UBAP2L: variants seen among roughly 807,000 people sequenced by gnomAD.
The protein encoded by UBAP2L is ubiquitin-associated protein 2-like.
A neutral mutation model predicts 130.6 loss-of-function variants in UBAP2L; 12 were observed. That is an observed-to-expected ratio of 0.09 (90% CI 0.06 to 0.15). The LOEUF is 0.15. UBAP2L is among the 10% of genes least tolerant of loss of function. The probability of loss-of-function intolerance (pLI) is 1.00; values close to 1 mark genes in which losing one functional copy is unlikely to be tolerated. For synonymous variants in UBAP2L, 503 were observed against 524.7 expected, an observed-to-expected ratio of 0.96 and a Z score of 0.57; for missense variants, 965 against 1,332.5, an observed-to-expected ratio of 0.72 and a Z score of 4.29.
Position 154,255,748 on chromosome 1 carries a change from C to T in UBAP2L, c.2150C>T (p.Thr717Ile). The change falls in exon 18 of 27, where the codon ACT (threonine) becomes ATT (isoleucine). Residue 717 changes from threonine to isoleucine, a missense_variant. This residue lies in a region of UBAP2L where 393 missense variants were observed against 408.1 expected (regional missense o/e 0.96). Transcript: ENST00000428931. Reference protein sequence around the residue: ...STSSGRTSTSTLLHTSVESEA... With the variant: ...STSSGRTSTSILLHTSVESEA... ...TCTTCTGGGCGCACTTCGACATCCA[C>T]TCTTTTGGTAAGTGTGATGCTGAGA... The T allele has an allele frequency of 6.2e-7, 1 of 1,614,144 alleles. No individual in the cohort carries two copies. Among genetic ancestry groups the T allele is most frequent in the Non-Finnish European group, 8.5e-7 (1 of 1,179,992 alleles).
chr1:154,268,961 G>C lies in UBAP2L; in HGVS notation c.3168+7G>C, dbSNP rs1684119305. On this transcript the variant is annotated splice_region_variant and intron_variant, in intron 26 of 26. Coordinates refer to ENST00000428931, the MANE Select transcript of UBAP2L (RefSeq NM_014847.4). ...CCTGCAGCAGGATGGCCAGGTAATA[G>C]CCCTTCCCCTTCTCTCCTTTCCCTT... is the stretch of plus-strand genomic sequence containing the variant. 1.2e-6 allele frequency: 2 copies of C among 1,613,210 alleles called. No homozygotes were observed. The highest frequency in any genetic ancestry group is 1.7e-5 in the Admixed American group (1 of 59,906).
chr1:154,246,181 A>G, intron 10 of UBAP2L, 23 bp from the exon 11 acceptor site: 1 of 1,586,044 alleles, frequency 6.3e-7, no homozygotes, highest in Non-Finnish European at 8.6e-7. Context: ...TTCTTCATGA[A>G]GATCCCTTCC....
chr1:154,252,987 C>A (rs984318831), intron 14 of UBAP2L, among the ~76,000 whole-genome samples: 2 of 152,116 alleles, frequency 1.3e-5, no homozygotes, highest in African/African-American at 2.4e-5. Flanking sequence ...AGTAATGTAT[C>A]CTGTATACCG....
At chr1:154,264,145 A>G (rs1454370861) in intron 24 of UBAP2L, among the ~76,000 whole-genome samples, 5 of 152,216 alleles carry the variant, frequency 3.3e-5, no homozygotes, top group Non-Finnish European at 7.3e-5. Context: ...GCTAGCATAC[A>G]ACATTAGCCC....
chr1:154,249,140 C>T, intron 11 of UBAP2L, 99 bp from the exon 12 acceptor site: 2 of 1,141,074 alleles, frequency 1.8e-6, no homozygotes, highest in Non-Finnish European at 2.6e-6. Context: ...TCTTTACTTG[C>T]CTGATCTATA....
intron 15 of UBAP2L, 61 bp downstream of exon 15, chr1:154,254,150 A>G (rs1678826184): frequency 1.4e-6 from 2 of 1,399,010 alleles, no homozygotes; most frequent in South Asian, 3.3e-5. Flanking sequence ...AATTCCTTAA[A>G]TATTAGTGTT....
chr1:154,223,078 CACTT>C (rs1177206352), intron 1 of UBAP2L, among the ~76,000 whole-genome samples: 1 of 152,012 alleles, frequency 6.6e-6, no homozygotes, highest in Non-Finnish European at 1.5e-5. Context: ...CATTCCAGAT[CACTT>C]ACTTTTGACC....
chr1:154,270,470 G>T lies in UBAP2L; in HGVS notation c.*175G>T, dbSNP rs1302332648. 9.9e-6 allele frequency: 15 copies of T among 1,514,042 alleles called. No homozygotes were observed. The highest frequency in any genetic ancestry group is 1.4e-5 in the African/African-American group (1 of 71,152). 93.8% of individuals were successfully genotyped at this position (1,514,042 alleles called of 1,614,324 possible). A position where few individuals can be genotyped will look rare whatever the true frequency, so the allele number is the denominator to read the frequency against. On this transcript the variant is annotated 3_prime_UTR_variant, in exon 27 of 27. Coordinates refer to ENST00000428931, the MANE Select transcript of UBAP2L (RefSeq NM_014847.4). ...CCCATTCCTATACCATCCCCACCCT[G>T]TTGTATGTATTATAGGATTTGTATT...
chr1:154,227,849 A>G (rs59131007), intron 3 of UBAP2L, among the ~76,000 whole-genome samples: 4,867 of 151,974 alleles, frequency 0.032, 266 homozygotes, highest in African/African-American at 0.11. Flanking sequence ...CACCCAGCCT[A>G]TTGTAGCCCT....
chr1:154,251,681 C>T, intron 14 of UBAP2L, 28 bp downstream of exon 14: 6 of 1,611,162 alleles, frequency 3.7e-6, no homozygotes, highest in Non-Finnish European at 5.1e-6. Flanking sequence ...CATAAGACCT[C>T]TCTTATTAAC....
At chr1:154,239,279 G>A (rs952796589) in intron 8 of UBAP2L, among the ~76,000 whole-genome samples, 1 of 151,652 alleles carries the variant, frequency 6.6e-6, no homozygotes, top group Non-Finnish European at 1.5e-5. Flanking sequence ...ATTTCATTGG[G>A]GTTGAGGGGT....
intron 4 of UBAP2L, among the ~76,000 whole-genome samples, chr1:154,229,286 G>A (rs895829238): frequency 1.3e-5 from 2 of 151,926 alleles, no homozygotes; most frequent in Non-Finnish European, 1.5e-5. Context: ...GGGATATCTT[G>A]GAGGATCTCT....
chr1:154,243,704 G>A (rs1674351812), intron 10 of UBAP2L, among the ~76,000 whole-genome samples: 1 of 151,934 alleles, frequency 6.6e-6, no homozygotes, highest in Non-Finnish European at 1.5e-5. Context: ...CGGGTAATCC[G>A]CCCACCTCTG....
In UBAP2L at chr1:154,260,899, C is replaced by A. The variant is rs756786957; in HGVS notation, c.2586C>A (p.Leu862=). The change falls in exon 23 of 27, where the codon CTC becomes CTA. Residue 862 remains leucine, a synonymous_variant. Transcript: ENST00000428931. The stretch of plus-strand genomic sequence containing the variant: ...TAGCTTCTCCTGTCACAGGTGACCT[C>A]ACAAAGTTCGGCCGTGGGGATGCCT... ...SLASNPYSGD[L]TKFGRGDASS... 1 of 1,614,186 alleles carries A rather than the reference C, an allele frequency of 6.2e-7. No individual in the cohort carries two copies. The highest frequency in any genetic ancestry group is 8.5e-7 in the Non-Finnish European group (1 of 1,180,026).
chr1:154,270,263 G>A lies in UBAP2L; in HGVS notation c.3232G>A (p.Ala1078Thr). 6.2e-7 allele frequency: 1 copy of A among 1,613,888 alleles called. No homozygotes were observed. The highest frequency in any genetic ancestry group is 1.1e-5 in the South Asian group (1 of 91,002). ...IPQKPQTNKS[A>T]YNSYSWGAN is the part of the protein sequence containing the mutation. Reference sequence around the variant, plus strand: ...GCAGAAGCCCCAGACCAACAAGTCTGCCTACAACAGCTACAGCTGGGGGGC... The same window carrying A: ...GCAGAAGCCCCAGACCAACAAGTCTACCTACAACAGCTACAGCTGGGGGGC... The change falls in exon 27 of 27, where the codon GCC becomes ACC. Residue 1078 changes from alanine (A) to threonine (T), a missense_variant. Physicochemically the swap from Ala to Thr is moderately conservative, Grantham distance 58 (BLOSUM62 0). Transcript: ENST00000428931.
intron 9 of UBAP2L, chr1:154,242,983 C>T (rs1674069421): frequency 9.4e-6 from 3 of 320,556 alleles, no homozygotes; most frequent in Middle Eastern, 1.7e-3. Flanking sequence ...TGCATATGAT[C>T]ATGTGACTCC....
chr1:154,269,034 C>T (rs1684141121), intron 26 of UBAP2L, 80 bp downstream of exon 26: 1 of 1,503,416 alleles, frequency 6.7e-7, no homozygotes, highest in South Asian at 1.2e-5. Context: ...CCTTTTCTTA[C>T]CCTTCCTCAC....
chr1:154,269,376 G>A (rs1362361894), intron 26 of UBAP2L: 1 of 1,318,376 alleles, frequency 7.6e-7, no homozygotes, highest in Non-Finnish European at 1.0e-6. Context: ...CATATTTGCA[G>A]ATGATTCTCT....
chr1:154,256,970 A>C lies in UBAP2L; in HGVS notation c.2158-93A>C, dbSNP rs966179544. Reference sequence around the variant, plus strand: ...TCTTTAATTAGGAAGTTGACATCATAATATATTCAGCAGGAGGGATTGTCT... The same window carrying C: ...TCTTTAATTAGGAAGTTGACATCATCATATATTCAGCAGGAGGGATTGTCT... On this transcript the variant is annotated intron_variant, in intron 18 of 26. Transcript: ENST00000428931. The C allele has an allele frequency of 1.2e-5, 17 of 1,418,574 alleles. No homozygotes were observed. The South Asian group carries it at 2.2e-4, about 18-fold the overall frequency. 87.9% of individuals were successfully genotyped at this position (1,418,574 alleles called of 1,614,324 possible).
Sources: allele counts gnomAD v4.1 joint callset (sites outside exome capture counted in the v4.1 genomes callset), GRCh38; gene constraint gnomAD v4.1.1; regional missense constraint gnomAD v4.1.1; transcripts MANE v1.5; gene names NCBI Gene and HGNC (gene_info 2026-07-23, HGNC 2026-07-21).